Variants in CEP162 observed in about 807,000 individuals in gnomAD.
CEP162 encodes centrosomal protein of 162 kDa.
Under a neutral mutation model 169.2 loss-of-function variants are expected in CEP162, and 141 were observed. The observed-to-expected ratio is 0.83, with a 90% CI of 0.73 to 0.96. The LOEUF is 0.96. Among genes scored for constraint, CEP162 ranks in the 40% least tolerant of loss-of-function variants. The pLI is 0.00. For synonymous variants in CEP162, 540 were observed against 526.4 expected (o/e 1.03, Z -0.35); for missense variants, 1,600 against 1,587.2 (o/e 1.01, Z -0.14).
Position 84,185,180 on chromosome 6 carries a change from T to C in CEP162, c.1663+7A>G, listed in dbSNP as rs778588562. On this transcript the variant is annotated splice_region_variant and intron_variant, in intron 13 of 26. Transcript: ENST00000403245. ...AACAATATACTAAATAAAGAGTATA[T>C]GATTACCTTTTTTCCTAGGTTGATT... is the stretch of plus-strand genomic sequence containing the variant. 4.4e-6 allele frequency: 7 copies of C among 1,604,222 alleles called. No individual in the cohort carries two copies. Among genetic ancestry groups the C allele is most frequent in the South Asian group, 1.1e-5 (1 of 90,804 alleles).
intron 3 of CEP162, among the ~76,000 whole-genome samples, chr6:84,217,206 T>C (rs1415869784): frequency 6.6e-6 from 1 of 152,142 alleles, no homozygotes; most frequent in Non-Finnish European, 1.5e-5. Flanking sequence ...TGCTTATTCA[T>C]GTGATTTGAG....
intron 11 of CEP162, 81 bp from the exon 12 acceptor site, chr6:84,186,704 C>A: frequency 9.6e-7 from 1 of 1,038,094 alleles, no homozygotes; most frequent in Non-Finnish European, 1.4e-6. Context: ...TGTGTGTGTA[C>A]ACGCAGACAC....
At chr6:84,144,627 C>T (rs904525860) in intron 25 of CEP162, among the ~76,000 whole-genome samples, 1 of 151,992 alleles carries the variant, frequency 6.6e-6, no homozygotes, top group Non-Finnish European at 1.5e-5. Flanking sequence ...TACCATTTGG[C>T]CAGGTAAGAA....
intron 24 of CEP162, among the ~76,000 whole-genome samples, chr6:84,149,085 T>C (rs1446516575): frequency 1.3e-5 from 2 of 150,108 alleles, no homozygotes; most frequent in Non-Finnish European, 3.0e-5. Context: ...TGTGTATCTC[T>C]CTTTTCATTA....
rs189351799 is a variant in CEP162, at chr6:84,131,720, C to G, written c.3871-5208G>C. Among the ~76,000 whole-genome samples, 287 of 151,402 alleles carry G rather than the reference C, an allele frequency of 1.9e-3. 3 individuals carry two copies. In the Middle Eastern group the frequency reaches 0.058, roughly 31 times the overall value. Reference sequence around the variant, plus strand: ...GGTAGATCTTCCTCCATCCCTTTATCTTGAGCCTATGTGTGTCTCCACATG... The same window carrying G: ...GGTAGATCTTCCTCCATCCCTTTATGTTGAGCCTATGTGTGTCTCCACATG... On this transcript the variant is annotated intron_variant, in intron 25 of 26. Coordinates refer to ENST00000403245, the MANE Select transcript of CEP162 (RefSeq NM_014895.4).
rs1460694603 is a variant in CEP162 at position 84,193,615 on chromosome 6, G to A, written c.1103C>T (p.Pro368Leu). The A allele has an allele frequency of 2.6e-6, 4 of 1,546,048 alleles. No homozygotes were observed. The Admixed American group carries it at 7.8e-5, about 30-fold the overall frequency. Reference protein sequence around the residue: ...SFGISGFDLQPVSSEKVAERK... With the variant: ...SFGISGFDLQLVSSEKVAERK... ...ATAAATAAAAAATTCATACCTGACAGGTTGTAAATCAAAACCACTGATCCC... is the reference window on the plus strand; with the variant it reads ...ATAAATAAAAAATTCATACCTGACAAGTTGTAAATCAAAACCACTGATCCC... The change falls in exon 11 of 27, where the codon CCT (proline) becomes CTT (leucine). Residue 368 changes from proline to leucine, a missense_variant. Transcript: ENST00000403245.
rs552234682 is a variant in CEP162 at position 84,207,484 on chromosome 6, G to A, written c.572-3388C>T. Among the ~76,000 whole-genome samples, 13 of 148,424 alleles carry A rather than the reference G, an allele frequency of 8.8e-5. No homozygotes were observed. In the South Asian group the frequency reaches 1.1e-3, roughly 12 times the overall value. On this transcript the variant is annotated intron_variant, in intron 6 of 26. Transcript: ENST00000403245. ...TCGCAAGGACAGAAAACGAAACACC[G>A]CATGTTCTCACTTATAGGTGGGGAT... is the stretch of plus-strand genomic sequence containing the variant.
At chr6:84,160,094 G>A (rs892524025) in intron 21 of CEP162, among the ~76,000 whole-genome samples, 1 of 152,088 alleles carries the variant, frequency 6.6e-6, no homozygotes, top group Non-Finnish European at 1.5e-5. Context: ...ATACCCATAT[G>A]TCTAAGTACC....
At chr6:84,226,311 T>C (rs1418050495) in intron 2 of CEP162, 26 bp downstream of exon 2, 3 of 1,444,812 alleles carry the variant, frequency 2.1e-6, no homozygotes, top group Admixed American at 4.0e-5. Context: ...AATTTGACAA[T>C]ATAGCTTTTA....
At chr6:84,168,745 T>C (rs576393962) in intron 18 of CEP162, among the ~76,000 whole-genome samples, 1 of 152,318 alleles carries the variant, frequency 6.6e-6, no homozygotes, top group African/African-American at 2.4e-5. Context: ...TATTGATAAA[T>C]ACTGCTTTAG....
intron 2 of CEP162, among the ~76,000 whole-genome samples, chr6:84,223,963 G>C (rs1240401390): frequency 6.6e-6 from 1 of 151,744 alleles, no homozygotes; most frequent in Non-Finnish European, 1.5e-5. Context: ...TAGTGGAAAT[G>C]TAAAATAACA....
chr6:84,189,059 CT>C (rs1038712619), intron 11 of CEP162, among the ~76,000 whole-genome samples: 66 of 146,888 alleles, frequency 4.5e-4, no homozygotes, highest in East Asian at 7.9e-4. Flanking sequence ...TCCTTGCCCA[CT>C]TTTTTTTTTT....
intron 13 of CEP162, among the ~76,000 whole-genome samples, chr6:84,180,666 T>C (rs550550009): frequency 1.3e-5 from 2 of 150,924 alleles, no homozygotes; most frequent in Admixed American, 6.6e-5. Flanking sequence ...ACAAAATCAA[T>C]GTGCAAAAAT....
At chr6:84,203,306 AT>A (rs2099545400) in intron 7 of CEP162, among the ~76,000 whole-genome samples, 1 of 152,244 alleles carries the variant, frequency 6.6e-6, no homozygotes, top group Non-Finnish European at 1.5e-5. Context: ...AGGGAAGGAC[AT>A]TTACTATACT....
intron 12 of CEP162, 89 bp from the exon 13 acceptor site, chr6:84,185,537 T>G: frequency 2.6e-6 from 3 of 1,142,670 alleles, no homozygotes; most frequent in Non-Finnish European, 3.7e-6. Flanking sequence ...AAAACAATAG[T>G]GATTATCAAA....
intron 6 of CEP162, among the ~76,000 whole-genome samples, chr6:84,206,344 A>G (rs2099547015): frequency 6.6e-6 from 1 of 151,928 alleles, no homozygotes; most frequent in South Asian, 2.1e-4. Context: ...AGTAAGCAGA[A>G]CAGCATGGTA....
intron 11 of CEP162, among the ~76,000 whole-genome samples, chr6:84,192,094 C>A (rs2099540170): frequency 6.6e-6 from 1 of 152,154 alleles, no homozygotes; most frequent in Non-Finnish European, 1.5e-5. Flanking sequence ...CCCAATCCAA[C>A]CCCACTGACC....
chr6:84,202,922 C>T (rs2099545216), intron 7 of CEP162, among the ~76,000 whole-genome samples: 1 of 152,030 alleles, frequency 6.6e-6, no homozygotes, highest in South Asian at 2.1e-4. Context: ...ACTAAGTAAA[C>T]TTGAAAATAA....
chr6:84,155,478 T>A lies in CEP162; in HGVS notation c.2814A>T (p.Arg938Ser), dbSNP rs751966953. The A allele has an allele frequency of 4.3e-6, 7 of 1,612,018 alleles. No homozygotes were observed. Among genetic ancestry groups the A allele is most frequent in the Admixed American group, 1.7e-5 (1 of 59,958 alleles). Residue 938 changes from arginine to serine, a missense_variant, in exon 22 of 27, where the codon AGA (arginine) becomes AGT (serine). Coordinates refer to ENST00000403245, the MANE Select transcript of CEP162 (RefSeq NM_014895.4). ...VKEMEGILKR[R>S]YPNSLPALIL... ...TTAAAGCAGGTAAAGAATTGGGATA[T>A]CTTCTCTTCAGAATCCCTTCCATTT...
Sources: gnomAD v4.1 joint callset for allele counts (sites outside exome capture counted in the v4.1 genomes callset) on GRCh38, gnomAD v4.1.1 for gene constraint, MANE v1.5 for transcripts, NCBI Gene and HGNC (gene_info 2026-07-23, HGNC 2026-07-21) for gene names.